TNRC18: variants seen among roughly 807,000 people sequenced by gnomAD.
The protein encoded by TNRC18 is trinucleotide repeat-containing gene 18 protein.
Under a neutral mutation model 226.7 loss-of-function variants are expected in TNRC18, and 69 were observed. That is an observed-to-expected ratio of 0.30 (90% CI 0.25 to 0.37). The LOEUF (loss-of-function observed/expected upper bound fraction) is 0.37, where lower values mean the gene tolerates loss of function less well. TNRC18 is among the 10% of genes least tolerant of loss of function. The pLI is 1.00. For synonymous variants in TNRC18, 2,449 were observed against 1,927.6 expected (o/e 1.27, Z -7.09); for missense variants, 4,754 against 4,256.6 (o/e 1.12, Z -3.25).
chr7:5,314,819 C>T (rs1448414041), intron 26 of TNRC18, among the ~76,000 whole-genome samples, 165 bp downstream of exon 26: 5 of 152,150 alleles, frequency 3.3e-5, no homozygotes, highest in Non-Finnish European at 1.5e-5. Context: ...CCGATCTGCT[C>T]GCCTTGGCCT....
intron 2 of TNRC18, among the ~76,000 whole-genome samples, chr7:5,409,759 G>C (rs547064774): frequency 2.1e-4 from 31 of 148,116 alleles, no homozygotes; most frequent in Non-Finnish European, 4.2e-4. Context: ...GGTGGATCAC[G>C]AGGTCAGGAG....
intron 11 of TNRC18, among the ~76,000 whole-genome samples, chr7:5,366,445 C>T (rs6947390): frequency 0.51 from 76,248 of 150,450 alleles, 19,771 homozygotes; most frequent in African/African-American, 0.63. Flanking sequence ...TGCCTCAGTC[C>T]CCTGAGTAGC....
intron 5 of TNRC18, among the ~76,000 whole-genome samples, chr7:5,381,204 T>G (rs772991910): frequency 5.3e-5 from 8 of 152,114 alleles, no homozygotes; most frequent in East Asian, 1.9e-4. Context: ...TGAAGAGAGA[T>G]AGTGAGCCCT....
chr7:5,311,423 A>C (rs1787195160), intron 27 of TNRC18, among the ~76,000 whole-genome samples: 1 of 152,194 alleles, frequency 6.6e-6, no homozygotes, highest in South Asian at 2.1e-4. Flanking sequence ...AAGGAGCTTC[A>C]ATCTGGACTT....
rs1464321948 is a variant in TNRC18 at position 5,308,438 on chromosome 7, G to A, written c.8701-126C>T. Reference sequence around the variant, plus strand: ...AGGGACTGAGACAGAGACCAAGTCAGAGACAGAGGCTGAGTAAGAGACAGA... The same window carrying A: ...AGGGACTGAGACAGAGACCAAGTCAAAGACAGAGGCTGAGTAAGAGACAGA... On this transcript the variant is annotated intron_variant, in intron 29 of 29. Coordinates refer to ENST00000430969, the MANE Select transcript of TNRC18 (RefSeq NM_001080495.3). 5 of 845,146 alleles carry A rather than the reference G, an allele frequency of 5.9e-6. No individual in the cohort carries two copies. The Admixed American group carries it at 7.0e-5, about 12-fold the overall frequency. The allele number at this position is 845,146 out of a possible 1,614,324, so 52.4% of individuals were successfully genotyped here. A position where few individuals can be genotyped will look rare whatever the true frequency, so the allele number is the denominator to read the frequency against.
chr7:5,420,429 C>A (rs761892692), intron 2 of TNRC18: 25 of 455,632 alleles, frequency 5.5e-5, no homozygotes, highest in South Asian at 3.6e-4. Context: ...GGGCCGGGGT[C>A]GCCGCCCTCC....
rs756156215 is a variant in TNRC18, at chr7:5,361,907, G to A, written c.4522C>T (p.Arg1508Trp). The A allele has an allele frequency of 1.3e-5, 21 of 1,572,064 alleles. No individual in the cohort carries two copies. Among genetic ancestry groups the A allele is most frequent in the Middle Eastern group, 2.1e-4 (1 of 4,736 alleles). ...QRELVKLQRRRDSEDRREEPH... is the reference protein window; with the variant it reads ...QRELVKLQRRWDSEDRREEPH... ...GGGGGACACACTCACTCGGAGTCCC[G>A]GCGGCGCTGCAGCTTCACCAGCTCA... The change falls in exon 13 of 30, where the codon CGG becomes TGG. Residue 1508 changes from arginine (R) to tryptophan (W), a missense_variant. Transcript: ENST00000430969.
At chr7:5,320,121 G>A in intron 24 of TNRC18, 197 bp downstream of exon 24, 2 of 570,604 alleles carry the variant, frequency 3.5e-6, no homozygotes, top group South Asian at 4.0e-5. Context: ...ACTGCTGACA[G>A]ATACTCAGAG....
Position 5,309,850 on chromosome 7 carries a change from C to A in TNRC18, c.8389-482G>T, listed in dbSNP as rs1398548102. Among the ~76,000 whole-genome samples the A allele has an allele frequency of 6.6e-6, 1 of 152,196 alleles. No homozygotes were observed. Among genetic ancestry groups the A allele is most frequent in the Non-Finnish European group, 1.5e-5 (1 of 68,028 alleles). The stretch of plus-strand genomic sequence containing the variant: ...CTTTTGGCCTCAAACCACCCTCCCA[C>A]CTTTGCCTCCCAAAGCACTAGGATC... On this transcript the variant is annotated intron_variant, in intron 27 of 29. Coordinates refer to ENST00000430969, the MANE Select transcript of TNRC18 (RefSeq NM_001080495.3). The surrounding 1 kb of genome is among the most constrained non-coding windows in gnomAD (Gnocchi z 5.7).
intron 2 of TNRC18, among the ~76,000 whole-genome samples, chr7:5,417,651 C>T (rs973513587): frequency 6.6e-6 from 1 of 152,150 alleles, no homozygotes; most frequent in Admixed American, 6.5e-5. Context: ...AAATTATTTG[C>T]TGAGTAAATG....
intron 17 of TNRC18, among the ~76,000 whole-genome samples, chr7:5,347,378 A>G (rs1299332394): frequency 7.5e-6 from 1 of 133,272 alleles, no homozygotes; most frequent in South Asian, 2.4e-4. Flanking sequence ...TTGTATTTTT[A>G]GTAGAGACGG....
At position 5,388,674 on chromosome 7, in the gene TNRC18, GCTCGTCGAAGGC is replaced by G. The variant is rs1780017122; in HGVS notation, c.1138_1149del (p.Ala380_Glu383del). ...GATGCGATCTGGATGGGCCCCGGGC[GCTCGTCGAAGGC>G]CTCCACGGAAGGCACGAAGGTGGGC... On this transcript the variant is annotated inframe_deletion, in exon 5 of 30. Transcript: ENST00000430969. 7.9e-7 allele frequency: 1 copy of G among 1,267,410 alleles called. No homozygotes were observed. The allele number at this position is 1,267,410 out of a possible 1,614,324, so 78.5% of individuals were successfully genotyped here.
chr7:5,333,684 G>A (rs1363960684), intron 18 of TNRC18, among the ~76,000 whole-genome samples: 1 of 152,042 alleles, frequency 6.6e-6, no homozygotes, highest in Non-Finnish European at 1.5e-5. Context: ...CACTCGCCCA[G>A]CACCCACCAT....
Position 5,374,301 on chromosome 7 carries a change from ATGG to A in TNRC18, c.2980_2982del (p.Pro994del), listed in dbSNP as rs1414515738. 2 of 1,453,268 alleles carry A rather than the reference ATGG, an allele frequency of 1.4e-6. No individual in the cohort carries two copies. The highest frequency in any genetic ancestry group is 1.8e-6 in the Non-Finnish European group (2 of 1,106,924). The allele number at this position is 1,453,268 out of a possible 1,614,324, so 90.0% of individuals were successfully genotyped here. A position where few individuals can be genotyped will look rare whatever the true frequency, so the allele number is the denominator to read the frequency against. On this transcript the variant is annotated inframe_deletion, in exon 10 of 30. Coordinates refer to ENST00000430969, the MANE Select transcript of TNRC18 (RefSeq NM_001080495.3). ...GCAGCCACAGGGGATGCGCGGGGTG[ATGG>A]TGGCGGGCTCACGGCCTTGCCGTAG...
In TNRC18 at chr7:5,370,882, G is replaced by C; in HGVS notation, c.3712C>G (p.Pro1238Ala). ...PRVDSPGRTE[P>A]CTAALDLGVQ... ...CCCAGGTCCAGGGCGGCGGTGCAGG[G>C]TTCTGTCCGGCCCGGGGAATCCACC... Residue 1238 changes from proline to alanine, a missense_variant, in exon 11 of 30, where the codon CCC (proline) becomes GCC (alanine). Coordinates refer to ENST00000430969, the MANE Select transcript of TNRC18 (RefSeq NM_001080495.3). The C allele has an allele frequency of 1.2e-6, 2 of 1,607,356 alleles. No homozygotes were observed. The highest frequency in any genetic ancestry group is 1.7e-6 in the Non-Finnish European group (2 of 1,179,712).
At chr7:5,335,835 G>A (rs1379565203) in intron 18 of TNRC18, among the ~76,000 whole-genome samples, 18 of 126,822 alleles carry the variant, frequency 1.4e-4, no homozygotes, top group South Asian at 5.4e-4. Context: ...ATATTCACTG[G>A]AAAAAAAAAA....
chr7:5,323,642 A>G (rs1788609353), intron 21 of TNRC18, among the ~76,000 whole-genome samples: 1 of 140,734 alleles, frequency 7.1e-6, no homozygotes, highest in Admixed American at 7.6e-5. Flanking sequence ...ATCTTGGCTC[A>G]CCGCAACCTC....
intron 10 of TNRC18, among the ~76,000 whole-genome samples, chr7:5,372,481 C>T (rs954116446): frequency 1.3e-5 from 2 of 151,866 alleles, no homozygotes; most frequent in African/African-American, 4.8e-5. Context: ...CCTCAGCCTC[C>T]CAAAGTGCTG....
intron 20 of TNRC18, 85 bp downstream of exon 20, chr7:5,325,011 G>A (rs1788748075): frequency 6.9e-7 from 1 of 1,455,790 alleles, no homozygotes; most frequent in Non-Finnish European, 9.2e-7. Flanking sequence ...GGTGAATACA[G>A]AGGAGCAGGT....
Sources: gnomAD v4.1 joint callset for allele counts (sites outside exome capture counted in the v4.1 genomes callset) on GRCh38, gnomAD v4.1.1 for gene constraint, Gnocchi (gnomAD v3.1) non-coding constraint, MANE v1.5 for transcripts, NCBI Gene and HGNC (gene_info 2026-07-23, HGNC 2026-07-21) for gene names.